The following MATR3 variants were observed in gnomAD, a reference collection of about 807,000 sequenced individuals.
MATR3 encodes the protein matrin 3, also known as matrin-3.
A neutral mutation model predicts 85.5 loss-of-function variants in MATR3; 4 were observed. That is an observed-to-expected ratio of 0.05 (90% CI 0.02 to 0.11). The LOEUF (loss-of-function observed/expected upper bound fraction) is 0.11. Ranked by LOEUF, MATR3 falls within the 10% of genes least tolerant of loss-of-function variation. MATR3 has a pLI of 1.00. For missense variants in MATR3, 685 were observed against 1,016.1 expected, an observed-to-expected ratio of 0.67 and a Z score of 4.43; for synonymous variants, 336 against 343.1, an observed-to-expected ratio of 0.98 and a Z score of 0.23.
intron 2 of MATR3, among the ~76,000 whole-genome samples, chr5:139,308,813 G>A (rs1291278522): frequency 6.6e-6 from 1 of 151,982 alleles, no homozygotes; most frequent in Non-Finnish European, 1.5e-5. Context: ...GAGCCCTGGT[G>A]TTTGTTTCAG....
intron 2 of MATR3, chr5:139,311,458 G>A (rs994940758): frequency 2.0e-5 from 3 of 152,154 alleles, no homozygotes; most frequent in African/African-American, 7.2e-5. Flanking sequence ...GTACAGATTA[G>A]TCATTGGATG....
At chr5:139,326,141 G>C in intron 13 of MATR3, 22 bp from the exon 14 acceptor site, 1 of 1,568,912 alleles carries the variant, frequency 6.4e-7, no homozygotes, top group Non-Finnish European at 8.8e-7. Flanking sequence ...TAATTTGTAA[G>C]AATGTATGTT....
intron 1 of MATR3, among the ~76,000 whole-genome samples, chr5:139,304,980 C>A (rs1754635882): frequency 6.6e-6 from 1 of 152,144 alleles, no homozygotes; most frequent in South Asian, 2.1e-4. Flanking sequence ...TGGTTTCTCC[C>A]AACTTTGTTC....
At chr5:139,302,829 T>C (rs1319128444) in intron 1 of MATR3, among the ~76,000 whole-genome samples, 1 of 152,244 alleles carries the variant, frequency 6.6e-6, no homozygotes, top group African/African-American at 2.4e-5. Flanking sequence ...ATCAAGGTGA[T>C]TGGCCTTGAT....
chr5:139,282,130 T>A (rs897831251), intron 3 of MATR3, among the ~76,000 whole-genome samples: 2 of 152,260 alleles, frequency 1.3e-5, no homozygotes, highest in African/African-American at 4.8e-5. Flanking sequence ...TAAGAGCAAC[T>A]AATTAAGAAC....
intron 14 of MATR3, among the ~76,000 whole-genome samples, chr5:139,327,758 T>C (rs775258220): frequency 3.9e-5 from 6 of 152,088 alleles, no homozygotes; most frequent in Non-Finnish European, 7.4e-5. Flanking sequence ...TTTTAAGCTG[T>C]TTGGGGTCAA....
chr5:139,292,164 G>A (rs763294091), upstream of MATR3: 6 of 151,804 alleles, frequency 4.0e-5, no homozygotes, highest in Admixed American at 6.6e-5. Flanking sequence ...GTTTCGCCAC[G>A]ATGCCCAGGC....
chr5:139,300,273 G>C (rs1019289008), intron 1 of MATR3, among the ~76,000 whole-genome samples: 1 of 152,174 alleles, frequency 6.6e-6, no homozygotes, highest in African/African-American at 2.4e-5. Flanking sequence ...GCTGAGGCAG[G>C]AGAATCACGG....
At chr5:139,323,160 C>CA (rs1256101124) in intron 12 of MATR3, among the ~76,000 whole-genome samples, 193 bp downstream of exon 12, 4 of 151,614 alleles carry the variant, frequency 2.6e-5, no homozygotes, top group South Asian at 2.1e-4. Flanking sequence ...TTATAGTTGG[C>CA]AAAAAACATC....
chr5:139,328,104 C>A (rs1345484131), intron 14 of MATR3, among the ~76,000 whole-genome samples: 1 of 151,474 alleles, frequency 6.6e-6, no homozygotes, highest in African/African-American at 2.4e-5. Flanking sequence ...CTCAGGTGAT[C>A]GCCTGCCTCA....
At chr5:139,317,158 T>G (rs757483250) in intron 6 of MATR3, 53 bp downstream of exon 6, 130 of 1,548,858 alleles carry the variant, frequency 8.4e-5, no homozygotes, top group Non-Finnish European at 1.1e-4. Context: ...GGGAATATGA[T>G]TTGACCTAAA....
At chr5:139,326,373 C>A in intron 14 of MATR3, 89 bp downstream of exon 14, 1 of 1,250,326 alleles carries the variant, frequency 8.0e-7, no homozygotes, top group South Asian at 1.2e-5. Context: ...GTATAGTGTT[C>A]TCTCTAGACT....
At chr5:139,294,468 C>T (rs1391429544) in intron 1 of MATR3, 3 of 155,774 alleles carry the variant, frequency 1.9e-5, no homozygotes, top group Non-Finnish European at 4.2e-5. Flanking sequence ...AGACTCCCGG[C>T]CCACACGCGC....
chr5:139,275,244 G>A (rs543811720), intron 1 of MATR3, among the ~76,000 whole-genome samples: 3 of 141,154 alleles, frequency 2.1e-5, no homozygotes, highest in Non-Finnish European at 3.0e-5. Context: ...TGATCCGCCA[G>A]CCTCAGCCTC....
intron 1 of MATR3, chr5:139,294,193 G>T (rs1754009958): frequency 1.7e-6 from 1 of 582,020 alleles, no homozygotes; most frequent in Non-Finnish European, 2.6e-6. Context: ...GCGGCGCTGA[G>T]GGGGAGGGAG....
chr5:139,295,393 C>T lies in MATR3; in HGVS notation c.-178+1588C>T, dbSNP rs567707891. 9.2e-5 allele frequency among the ~76,000 whole-genome samples: 14 copies of T among 152,316 alleles called. No homozygotes were observed. The South Asian group carries it at 2.9e-3, about 32-fold the overall frequency. On this transcript the variant is annotated intron_variant, in intron 1 of 14. Coordinates refer to ENST00000394805, the MANE Select transcript of MATR3 (RefSeq NM_018834.6). Reference sequence around the variant, plus strand: ...GTAAGATTTGGAAAAGATCATTTAGCCAGATGTGTGTTGAAGTGCTTTAAA... The same window carrying T: ...GTAAGATTTGGAAAAGATCATTTAGTCAGATGTGTGTTGAAGTGCTTTAAA...
At position 139,307,560 on chromosome 5, in the gene MATR3, A is replaced by G; in HGVS notation, c.145A>G (p.Thr49Ala). The G allele has an allele frequency of 6.2e-7, 1 of 1,614,142 alleles. No homozygotes were observed. Among genetic ancestry groups the G allele is most frequent in the East Asian group, 2.2e-5 (1 of 44,888 alleles). Residue 49 changes from threonine (T) to alanine (A), a missense_variant, in exon 2 of 15, where the codon ACT becomes GCT. By Grantham distance (58) the Thr-to-Ala change is moderately conservative (BLOSUM62 0). Transcript: ENST00000394805. The surrounding 1 kb of genome is among the most constrained non-coding windows in gnomAD (Gnocchi z 4.4). Reference protein sequence around the residue: ...PASLGRMNQGTARLASLMNLG... With the variant: ...PASLGRMNQGAARLASLMNLG... ...ATCTCTTGGAAGGATGAACCAGGGTACTGCACGCCTTGCTAGTTTAATGAA... is the reference window on the plus strand; with the variant it reads ...ATCTCTTGGAAGGATGAACCAGGGTGCTGCACGCCTTGCTAGTTTAATGAA...
At chr5:139,282,343 G>T (rs1050677556) in intron 3 of MATR3, among the ~76,000 whole-genome samples, 1 of 152,182 alleles carries the variant, frequency 6.6e-6, no homozygotes, top group Non-Finnish European at 1.5e-5. Context: ...GAGCCAACTT[G>T]ATGAGTCATA....
intron 1 of MATR3, among the ~76,000 whole-genome samples, chr5:139,275,243 A>G (rs528811556): frequency 7.3e-6 from 1 of 137,470 alleles, no homozygotes; most frequent in Non-Finnish European, 1.5e-5. Flanking sequence ...GTGATCCGCC[A>G]GCCTCAGCCT....
Sources: gnomAD v4.1 joint callset for allele counts (sites outside exome capture counted in the v4.1 genomes callset) on GRCh38, gnomAD v4.1.1 for gene constraint, Gnocchi (gnomAD v3.1) non-coding constraint, MANE v1.5 for transcripts, NCBI Gene and HGNC (gene_info 2026-07-23, HGNC 2026-07-21) for gene names.